The following PHACTR3 variants were observed in gnomAD, a reference collection of about 807,000 sequenced individuals.
PHACTR3 encodes the protein protein phosphatase 1, regulatory subunit 123.
PHACTR3 carries 16 observed loss-of-function variants against 66.8 expected under a neutral mutation model. The ratio of observed to expected loss-of-function variants is 0.24; its 90% CI spans 0.16 to 0.36. PHACTR3 has a LOEUF of 0.36. Among genes scored for constraint, PHACTR3 ranks in the 10% least tolerant of loss-of-function variants. The probability of loss-of-function intolerance (pLI) is 1.00; values close to 1 mark genes in which losing one functional copy is unlikely to be tolerated. For missense variants in PHACTR3, 647 were observed against 719.9 expected (o/e 0.90, Z 1.16); for synonymous variants, 323 against 292.1 (o/e 1.11, Z -1.08).
At chr20:59,824,080 T>TC (rs2042119962) in intron 8 of PHACTR3, among the ~76,000 whole-genome samples, 1 of 152,182 alleles carries the variant, frequency 6.6e-6, no homozygotes, top group Non-Finnish European at 1.5e-5. Context: ...ATCTAAGGCC[T>TC]TCCCACTGAT....
At chr20:59,781,526 C>T (rs1042136215) in intron 7 of PHACTR3, among the ~76,000 whole-genome samples, 1 of 152,194 alleles carries the variant, frequency 6.6e-6, no homozygotes, top group Non-Finnish European at 1.5e-5. Context: ...TGAGACAACG[C>T]TCATGGAGGG....
intron 8 of PHACTR3, among the ~76,000 whole-genome samples, chr20:59,808,526 A>C (rs1165014574): frequency 6.6e-6 from 1 of 152,200 alleles, no homozygotes; most frequent in Non-Finnish European, 1.5e-5. Flanking sequence ...GACAGCCCCT[A>C]GTCCGCTCCT....
chr20:59,750,927 C>G (rs1272692473), intron 3 of PHACTR3, among the ~76,000 whole-genome samples: 2 of 152,240 alleles, frequency 1.3e-5, no homozygotes. Context: ...CCGTCCTGCA[C>G]TAGCTTCAAA....
At chr20:59,729,389 G>A (rs905172413) in intron 1 of PHACTR3, among the ~76,000 whole-genome samples, 1 of 152,146 alleles carries the variant, frequency 6.6e-6, no homozygotes, top group South Asian at 2.1e-4. Context: ...GGAGACCGGG[G>A]CACGAGTGAG....
At chr20:59,605,834 G>A (rs1015096506) in intron 1 of PHACTR3, among the ~76,000 whole-genome samples, 14 of 119,524 alleles carry the variant, frequency 1.2e-4, no homozygotes, top group Middle Eastern at 4.5e-3. Context: ...GAGGAAGAAA[G>A]GCCTAATAAA....
chr20:59,720,250 A>G (rs753352027), intron 1 of PHACTR3, among the ~76,000 whole-genome samples: 2 of 152,174 alleles, frequency 1.3e-5, no homozygotes, highest in African/African-American at 2.4e-5. Context: ...TCCACATCTC[A>G]CAGGGTGGTC....
rs190484927 is a variant in PHACTR3, at chr20:59,802,598, G to A, written c.1175-3443G>A. On this transcript the variant is annotated intron_variant, in intron 7 of 12. Coordinates refer to ENST00000371015, the MANE Select transcript of PHACTR3 (RefSeq NM_080672.5). ...TAGGGGAATGTCCTGAGCCCCACAC[G>A]TTTGTGTCTGTGTGCAGGGAGCGTG... 1.1e-3 allele frequency among the ~76,000 whole-genome samples: 163 copies of A among 152,278 alleles called. 2 individuals are homozygous for A. Among genetic ancestry groups the A allele is most frequent in the Non-Finnish European group, 2.1e-4 (14 of 68,028 alleles).
intron 1 of PHACTR3, among the ~76,000 whole-genome samples, chr20:59,719,906 T>C (rs2038230339): frequency 6.6e-6 from 1 of 152,286 alleles, no homozygotes; most frequent in East Asian, 1.9e-4. Context: ...AGGGCTTGCG[T>C]CTCCTCATTC....
chr20:59,725,626 C>T (rs1047419067), intron 1 of PHACTR3, among the ~76,000 whole-genome samples: 2 of 152,162 alleles, frequency 1.3e-5, no homozygotes, highest in African/African-American at 4.8e-5. Flanking sequence ...AAAGCTGTCC[C>T]AGGAGAAGCT....
intron 7 of PHACTR3, among the ~76,000 whole-genome samples, chr20:59,799,477 G>T (rs931215338): frequency 2.6e-5 from 4 of 152,094 alleles, no homozygotes; most frequent in Non-Finnish European, 4.4e-5. Context: ...TCAATATTTA[G>T]TATCATTGTG....
chr20:59,777,824 C>G (rs1489189518), intron 7 of PHACTR3, among the ~76,000 whole-genome samples: 7 of 152,166 alleles, frequency 4.6e-5, no homozygotes, highest in African/African-American at 1.7e-4. Context: ...TGGCTTTAAA[C>G]ACATCTGTGA....
chr20:59,746,636 G>T (rs921669528), intron 2 of PHACTR3, among the ~76,000 whole-genome samples: 1 of 152,224 alleles, frequency 6.6e-6, no homozygotes, highest in East Asian at 1.9e-4. Context: ...CATTGCCAGT[G>T]CCTGTTTGTC....
At chr20:59,793,757 C>A (rs185211603) in intron 7 of PHACTR3, among the ~76,000 whole-genome samples, 4 of 151,456 alleles carry the variant, frequency 2.6e-5, no homozygotes, top group Admixed American at 6.6e-5. Flanking sequence ...AATTTGGATG[C>A]CTTTTTTTTT....
At chr20:59,742,934 C>T (rs576032906) in intron 1 of PHACTR3, among the ~76,000 whole-genome samples, 173 bp from the exon 2 acceptor site, 162 of 152,300 alleles carry the variant, frequency 1.1e-3, no homozygotes, top group Non-Finnish European at 1.1e-3. Context: ...ATTCAGCGCA[C>T]GCTGCTGAGC....
intron 9 of PHACTR3, among the ~76,000 whole-genome samples, chr20:59,837,336 GTTTTC>G (rs2058984363): frequency 6.6e-6 from 1 of 152,060 alleles, no homozygotes; most frequent in Non-Finnish European, 1.5e-5. Flanking sequence ...CTCTGAGTTT[GTTTTC>G]TTATTTGTGA....
chr20:59,787,223 G>A (rs1383688212), intron 7 of PHACTR3, among the ~76,000 whole-genome samples: 1 of 152,234 alleles, frequency 6.6e-6, no homozygotes, highest in Non-Finnish European at 1.5e-5. Flanking sequence ...TGGTGAGTAT[G>A]TAAATTACAT....
At chr20:59,635,232 CTTTCTT>C (rs777884562) in intron 1 of PHACTR3, among the ~76,000 whole-genome samples, 1 of 117,474 alleles carries the variant, frequency 8.5e-6, no homozygotes, top group Non-Finnish European at 1.8e-5. Context: ...TTCTTTCTTT[CTTTCTT>C]TTTTTTTTTT....
At chr20:59,661,420 C>T (rs1037614303) in intron 1 of PHACTR3, among the ~76,000 whole-genome samples, 7 of 152,132 alleles carry the variant, frequency 4.6e-5, no homozygotes, top group African/African-American at 1.2e-4. Flanking sequence ...TGCATCCTGG[C>T]GGCTTTGTGG....
At chr20:59,678,110 T>C (rs146745572) in intron 1 of PHACTR3, among the ~76,000 whole-genome samples, 300 of 152,354 alleles carry the variant, frequency 2.0e-3, no homozygotes, top group African/African-American at 7.0e-3. Context: ...ATAGGTAGCT[T>C]GGCAGTTTGC....
Sources: gnomAD v4.1 joint callset for allele counts (sites outside exome capture counted in the v4.1 genomes callset) on GRCh38, gnomAD v4.1.1 for gene constraint, MANE v1.5 for transcripts, NCBI Gene and HGNC (gene_info 2026-07-23, HGNC 2026-07-21) for gene names.